Variants in IQCB1 observed in about 807,000 individuals in gnomAD.
IQCB1 encodes IQ calmodulin-binding motif-containing protein 1.
A neutral mutation model predicts 84.4 loss-of-function variants in IQCB1; 56 were observed. That is an observed-to-expected ratio of 0.66 (90% confidence interval 0.54 to 0.83). The LOEUF is 0.83. IQCB1 is among the 40% of genes least tolerant of loss of function. IQCB1 has a pLI of 0.00. For synonymous variants in IQCB1, 210 were observed against 234.8 expected (o/e 0.89, Z 0.96); for missense variants, 629 against 682.1 (o/e 0.92, Z 0.87).
rs746135223 is a variant in IQCB1 at position 121,807,468 on chromosome 3, A to G, written c.488-25T>C. 54 of 1,125,320 alleles carry G rather than the reference A, an allele frequency of 4.8e-5. 1 individual carries two copies. The highest frequency in any genetic ancestry group is 7.0e-5 in the Non-Finnish European group (52 of 738,416). 69.7% of individuals were successfully genotyped at this position (1,125,320 alleles called of 1,614,324 possible). Reference sequence around the variant, plus strand: ...ACTAAAGGAAAAGAAAAAAAAAGAAAGATTAAAGTAAAGATTTTATGATAA... The same window carrying G: ...ACTAAAGGAAAAGAAAAAAAAAGAAGGATTAAAGTAAAGATTTTATGATAA... On this transcript the variant is annotated intron_variant, in intron 6 of 14. Transcript: ENST00000310864.
At position 121,770,148 on chromosome 3, in the gene IQCB1, C is replaced by T. The variant is rs1135750; in HGVS notation, c.*197G>A. 3.2e-5 allele frequency: 18 copies of T among 564,436 alleles called. No homozygotes were observed. Among genetic ancestry groups the T allele is most frequent in the South Asian group, 1.9e-4 (9 of 47,484 alleles). 35.0% of individuals were successfully genotyped at this position (564,436 alleles called of 1,614,324 possible). A position where few individuals can be genotyped will look rare whatever the true frequency, so the allele number is the denominator to read the frequency against. On this transcript the variant is annotated 3_prime_UTR_variant, in exon 15 of 15. Coordinates refer to ENST00000310864, the MANE Select transcript of IQCB1 (RefSeq NM_001023570.4). ...GCCACACAAATCTGTGTGTGGCTAA[C>T]GATGAGGATACAGAGAAAAGAAAAA...
intron 5 of IQCB1, among the ~76,000 whole-genome samples, chr3:121,822,960 A>T (rs1367698510): frequency 6.6e-6 from 1 of 152,204 alleles, no homozygotes; most frequent in East Asian, 1.9e-4. Flanking sequence ...CCAGAGAAAA[A>T]ACAGATAATA....
At position 121,772,717 on chromosome 3, in the gene IQCB1, G is replaced by A. The variant is rs1220175972; in HGVS notation, c.1411-4C>T. ...CCACATCTGACATTGGAGAGCCCTG[G>A]AAACACAGGACAGAAAAACCTGTCA... On this transcript the variant is annotated splice_polypyrimidine_tract_variant and splice_region_variant and intron_variant, in intron 13 of 14. Transcript: ENST00000310864. 1.2e-6 allele frequency: 2 copies of A among 1,613,980 alleles called. No homozygotes were observed. The highest frequency in any genetic ancestry group is 2.2e-5 in the South Asian group (2 of 91,072).
Position 121,797,116 on chromosome 3 carries a change from A to C in IQCB1, c.876+2T>G. ...CAATTTTTTTTTTTTGTAACTTAAT[A>C]CCTGCTCTTCTACTTCCTGATAGAC... On this transcript the variant is annotated splice_donor_variant, in intron 9 of 14. Transcript: ENST00000310864. LOFTEE classifies it high-confidence loss of function. 6.7e-7 allele frequency: 1 copy of C among 1,501,826 alleles called. No individual in the cohort carries two copies. Among genetic ancestry groups the C allele is most frequent in the Non-Finnish European group, 9.3e-7 (1 of 1,079,486 alleles). 93.0% of individuals were successfully genotyped at this position (1,501,826 alleles called of 1,614,324 possible). A position where few individuals can be genotyped will look rare whatever the true frequency, so the allele number is the denominator to read the frequency against.
At position 121,807,334 on chromosome 3, in the gene IQCB1, A is replaced by G. The variant is rs1479694739; in HGVS notation, c.587+10T>C. On this transcript the variant is annotated intron_variant, in intron 7 of 14. Transcript: ENST00000310864. ...AAAAAAGCAGTAACATTTTGTAAAA[A>G]CCAAGTCACCTGTTGATCTGTAGTA... The G allele has an allele frequency of 7.3e-7, 1 of 1,370,164 alleles. No individual in the cohort carries two copies. 84.9% of individuals were successfully genotyped at this position (1,370,164 alleles called of 1,614,324 possible). A position where few individuals can be genotyped will look rare whatever the true frequency, so the allele number is the denominator to read the frequency against.
chr3:121,825,987 AATAAC>A, intron 5 of IQCB1, 59 bp downstream of exon 5: 1 of 1,439,162 alleles, frequency 6.9e-7, no homozygotes, highest in Non-Finnish European at 9.7e-7. Flanking sequence ...ACATTTAAAA[AATAAC>A]AGAACAGCTT....
chr3:121,802,845 A>G (rs1367675096), intron 7 of IQCB1, among the ~76,000 whole-genome samples: 1 of 152,138 alleles, frequency 6.6e-6, no homozygotes, highest in Non-Finnish European at 1.5e-5. Flanking sequence ...GAATTTCCCC[A>G]GAAATTCTCA....
chr3:121,815,928 CAAAAAA>C (rs36019026), intron 5 of IQCB1, among the ~76,000 whole-genome samples: 1 of 88,778 alleles, frequency 1.1e-5, no homozygotes, highest in Non-Finnish European at 2.2e-5. Flanking sequence ...CATGTGGAAC[CAAAAAA>C]AAAAAAAAAA....
chr3:121,826,165 G>T lies in IQCB1; in HGVS notation c.279C>A (p.Gly93=). 6.2e-7 allele frequency: 1 copy of T among 1,613,700 alleles called. No homozygotes were observed. The highest frequency in any genetic ancestry group is 8.5e-7 in the Non-Finnish European group (1 of 1,179,660). Residue 93 remains glycine (G), a synonymous_variant, in exon 5 of 15, where the codon GGC becomes GGA. Coordinates refer to ENST00000310864, the MANE Select transcript of IQCB1 (RefSeq NM_001023570.4). ...CCTCTGCATCTTCTCCTGGCTCCAA[G>T]CCCACACAGCAATGGCTGAAATAAG... ...LTQILSHCCV[G]LEPGEDAEEF... is the part of the protein sequence containing the mutation.
At chr3:121,784,209 G>T (rs1948620717) in intron 12 of IQCB1, among the ~76,000 whole-genome samples, 1 of 146,250 alleles carries the variant, frequency 6.8e-6, no homozygotes, top group African/African-American at 2.5e-5. Flanking sequence ...TTTAATTAAA[G>T]ATTCTACCTT....
At chr3:121,818,762 A>G (rs995948180) in intron 5 of IQCB1, among the ~76,000 whole-genome samples, 5 of 152,216 alleles carry the variant, frequency 3.3e-5, no homozygotes, top group African/African-American at 1.2e-4. Flanking sequence ...ATGACCACGA[A>G]TAAGAACCAG....
chr3:121,780,782 C>T (rs1307049566), intron 13 of IQCB1, among the ~76,000 whole-genome samples: 2 of 152,144 alleles, frequency 1.3e-5, no homozygotes, highest in Non-Finnish European at 2.9e-5. Context: ...ATAGGACTCC[C>T]TAAATATCAC....
At chr3:121,816,885 T>C (rs28844130) in intron 5 of IQCB1, among the ~76,000 whole-genome samples, 15,649 of 152,192 alleles carry the variant, frequency 0.1, 855 homozygotes, top group South Asian at 0.15. Context: ...GAAATACCAT[T>C]TGACCCAGCT....
chr3:121,780,593 C>G (rs556623914), intron 13 of IQCB1, among the ~76,000 whole-genome samples: 2 of 152,272 alleles, frequency 1.3e-5, no homozygotes, highest in South Asian at 2.1e-4. Context: ...TTTACACTTC[C>G]TAGACTAAGC....
rs1949320457 is a variant in IQCB1 at position 121,799,353 on chromosome 3, T to C, written c.609A>G (p.Gly203=). The change falls in exon 8 of 15, where the codon GGA becomes GGG. Residue 203 remains glycine, a synonymous_variant. Coordinates refer to ENST00000310864, the MANE Select transcript of IQCB1 (RefSeq NM_001023570.4). ...QINSGDLLRI[G]RKALYSILDE... The stretch of plus-strand genomic sequence containing the variant: ...CTAAAATTGAATACAGGGCTTTTCT[T>C]CCTATTCTGAGTAAATCACCACTAA... 6.3e-7 allele frequency: 1 copy of C among 1,593,150 alleles called. No homozygotes were observed. The highest frequency in any genetic ancestry group is 8.6e-7 in the Non-Finnish European group (1 of 1,162,828).
chr3:121,830,905 G>A (rs963776961), intron 2 of IQCB1, among the ~76,000 whole-genome samples: 1 of 152,232 alleles, frequency 6.6e-6, no homozygotes, highest in Non-Finnish European at 1.5e-5. Context: ...TGAGCAGACA[G>A]GCCTTGCTGG....
intron 5 of IQCB1, among the ~76,000 whole-genome samples, chr3:121,815,442 G>A (rs746990375): frequency 2.8e-4 from 43 of 151,670 alleles, no homozygotes; most frequent in Admixed American, 1.1e-3. Context: ...AAGTGTATTC[G>A]AATAGGAAGA....
At chr3:121,776,507 T>C (rs1007038499) in intron 13 of IQCB1, among the ~76,000 whole-genome samples, 3 of 152,236 alleles carry the variant, frequency 2.0e-5, no homozygotes, top group African/African-American at 7.2e-5. Flanking sequence ...ACCTTTGGCA[T>C]GTTCCATTTT....
intron 5 of IQCB1, among the ~76,000 whole-genome samples, chr3:121,825,312 G>A (rs1419432238): frequency 3.3e-5 from 5 of 151,908 alleles, no homozygotes; most frequent in Non-Finnish European, 7.4e-5. Flanking sequence ...CGCCCGCCTC[G>A]GCCTCCCAAA....
Sources: gnomAD v4.1 joint callset for allele counts (sites outside exome capture counted in the v4.1 genomes callset) on GRCh38, gnomAD v4.1.1 for gene constraint, MANE v1.5 for transcripts, NCBI Gene and HGNC (gene_info 2026-07-23, HGNC 2026-07-21) for gene names.